Variants in KSR2 observed in about 807,000 individuals in gnomAD.
KSR2 encodes the protein kinase suppressor of ras 2.
Under a neutral mutation model 107.8 loss-of-function variants are expected in KSR2, and 25 were observed. That is an observed-to-expected ratio of 0.23 (90% CI 0.17 to 0.32). KSR2 has a LOEUF of 0.32. Ranked by LOEUF, KSR2 falls within the 10% of genes least tolerant of loss-of-function variation. The probability of loss-of-function intolerance (pLI) is 1.00; values close to 1 mark genes in which losing one functional copy is unlikely to be tolerated. For synonymous variants in KSR2, 480 were observed against 507.0 expected, an observed-to-expected ratio of 0.95 and a Z score of 0.71; for missense variants, 887 against 1,268.9, an observed-to-expected ratio of 0.70 and a Z score of 4.57.
intron 12 of KSR2, among the ~76,000 whole-genome samples, chr12:117,527,619 G>A (rs1345374768): frequency 1.3e-5 from 2 of 152,164 alleles, no homozygotes; most frequent in East Asian, 3.9e-4. Context: ...ATGCATTCAT[G>A]CGACTATTTA....
intron 1 of KSR2, among the ~76,000 whole-genome samples, chr12:117,868,894 G>A (rs1893562497): frequency 6.6e-6 from 1 of 151,942 alleles, no homozygotes; most frequent in Non-Finnish European, 1.5e-5. Flanking sequence ...GGGACCACAG[G>A]TGCGTGCCAC....
At chr12:117,512,965 T>C (rs902522302) in intron 14 of KSR2, among the ~76,000 whole-genome samples, 13 of 152,058 alleles carry the variant, frequency 8.5e-5, no homozygotes, top group Non-Finnish European at 1.8e-4. Context: ...TAAATACAGT[T>C]TCTCTTGGAG....
chr12:117,457,584 T>G lies in KSR2; in HGVS notation c.*9615A>C, dbSNP rs1019022184. ...GGTCAGAGAAGCTCAGGTGACACCA[T>G]GCCTGACATGCCACCATATGGGCTT... On this transcript the variant is annotated 3_prime_UTR_variant, in exon 20 of 20. Coordinates refer to ENST00000339824, the MANE Select transcript of KSR2 (RefSeq NM_173598.6). 6.6e-6 allele frequency: 1 copy of G among 152,212 alleles called. No individual in the cohort carries two copies. Among genetic ancestry groups the G allele is most frequent in the Non-Finnish European group, 1.5e-5 (1 of 68,052 alleles). The allele number at this position is 152,212 out of a possible 1,614,324, so 9.4% of individuals were successfully genotyped here.
At chr12:117,956,733 C>A (rs1481725180) in intron 1 of KSR2, among the ~76,000 whole-genome samples, 1 of 152,072 alleles carries the variant, frequency 6.6e-6, no homozygotes, top group Non-Finnish European at 1.5e-5. Context: ...TCAAGGCCAG[C>A]CTGGGCAACA....
intron 1 of KSR2, among the ~76,000 whole-genome samples, chr12:117,861,495 T>G (rs1378102328): frequency 1.3e-5 from 2 of 148,434 alleles, no homozygotes; most frequent in African/African-American, 5.0e-5. Flanking sequence ...TTCACGCCAT[T>G]CTCCTGCCTC....
intron 1 of KSR2, among the ~76,000 whole-genome samples, chr12:117,890,567 T>C (rs1894310287): frequency 1.3e-5 from 2 of 152,256 alleles, no homozygotes; most frequent in South Asian, 4.1e-4. Flanking sequence ...TTAAAGCCTT[T>C]TGCAGGTTCT....
intron 4 of KSR2, among the ~76,000 whole-genome samples, chr12:117,716,755 T>C (rs908652068): frequency 1.3e-5 from 2 of 152,202 alleles, no homozygotes; most frequent in African/African-American, 4.8e-5. Flanking sequence ...AGTTTCTTCA[T>C]GTGACAAATG....
At chr12:117,796,101 A>T (rs1890617311) in intron 3 of KSR2, among the ~76,000 whole-genome samples, 1 of 127,804 alleles carries the variant, frequency 7.8e-6, no homozygotes, top group Admixed American at 8.6e-5. Flanking sequence ...TAATTTTTTA[A>T]TTTTTTTGTA....
intron 3 of KSR2, among the ~76,000 whole-genome samples, chr12:117,853,535 T>A (rs759105828): frequency 7.9e-5 from 12 of 151,518 alleles, no homozygotes; most frequent in Non-Finnish European, 1.5e-4. Context: ...AGAGGTAGAG[T>A]CTCTTTATGT....
rs763052856 is a variant in KSR2, at chr12:117,855,566, CG to C, written c.333del (p.Gly112AlafsTer3). 1 of 1,613,904 alleles carries C rather than the reference CG, an allele frequency of 6.2e-7. No individual in the cohort carries two copies. Among genetic ancestry groups the C allele is most frequent in the Non-Finnish European group, 8.5e-7 (1 of 1,179,860 alleles). On this transcript the variant is annotated frameshift_variant, in exon 3 of 20. Transcript: ENST00000339824. LOFTEE classifies it high-confidence loss of function. ...VRKEVLEEIS[P>X]GQLSLEDLLE... ...AAGAGGTCCTCCAGGCTCAGCTGGC[CG>C]GGGGAGATTTCCTAGAGGAGGGGAG...
chr12:117,792,801 A>G lies in KSR2; in HGVS notation c.473-31277T>C, dbSNP rs531664287. 2.6e-5 allele frequency among the ~76,000 whole-genome samples: 4 copies of G among 152,316 alleles called. No homozygotes were observed. In the South Asian group the frequency reaches 6.2e-4, roughly 24 times the overall value. Reference sequence around the variant, plus strand: ...TTTTGATGTGGGGTGCGTCATCCCTAAAAATAACTGAGAACTGTGGAAGTG... The same window carrying G: ...TTTTGATGTGGGGTGCGTCATCCCTGAAAATAACTGAGAACTGTGGAAGTG... On this transcript the variant is annotated intron_variant, in intron 3 of 19. Coordinates refer to ENST00000339824, the MANE Select transcript of KSR2 (RefSeq NM_173598.6).
intron 14 of KSR2, among the ~76,000 whole-genome samples, chr12:117,515,452 A>G (rs1348210254): frequency 3.3e-5 from 5 of 152,158 alleles, no homozygotes; most frequent in African/African-American, 1.2e-4. Flanking sequence ...TTCAACAAGT[A>G]TGTATGGAGG....
At chr12:117,745,177 G>A (rs1010487990) in intron 4 of KSR2, among the ~76,000 whole-genome samples, 19 of 152,114 alleles carry the variant, frequency 1.2e-4, no homozygotes, top group Middle Eastern at 3.2e-3. Flanking sequence ...CACAGACTTT[G>A]GGTAAAATGG....
At chr12:117,690,393 G>A (rs957856370) in intron 4 of KSR2, among the ~76,000 whole-genome samples, 4 of 152,026 alleles carry the variant, frequency 2.6e-5, no homozygotes, top group East Asian at 1.9e-4. Context: ...GCGAAACCCC[G>A]TCTCTATTAA....
At chr12:117,505,369 G>A (rs187689541) in intron 14 of KSR2, among the ~76,000 whole-genome samples, 29 of 152,216 alleles carry the variant, frequency 1.9e-4, no homozygotes, top group East Asian at 9.7e-4. Flanking sequence ...GGTGGATGTC[G>A]CCCTCCCTCC....
intron 1 of KSR2, among the ~76,000 whole-genome samples, chr12:117,867,347 A>T (rs1163711093): frequency 6.6e-6 from 1 of 151,952 alleles, no homozygotes; most frequent in Non-Finnish European, 1.5e-5. Context: ...CCCTAAACAC[A>T]TGCAGGACCC....
At chr12:117,747,514 T>C (rs1438635791) in intron 4 of KSR2, among the ~76,000 whole-genome samples, 3 of 152,056 alleles carry the variant, frequency 2.0e-5, no homozygotes, top group African/African-American at 4.8e-5. Context: ...GCCAGGTTGA[T>C]AGGTGCAGCA....
chr12:117,737,078 G>T (rs747235944), intron 4 of KSR2, among the ~76,000 whole-genome samples: 21 of 152,244 alleles, frequency 1.4e-4, no homozygotes, highest in Middle Eastern at 3.4e-3. Flanking sequence ...CACCTGTGTG[G>T]CCTCATGAGT....
chr12:117,781,837 T>G (rs1478807809), intron 3 of KSR2, among the ~76,000 whole-genome samples: 2 of 152,150 alleles, frequency 1.3e-5, no homozygotes, highest in African/African-American at 4.8e-5. Context: ...CCAAAGGATA[T>G]CTCTAAAAGG....
Sources: allele counts gnomAD v4.1 joint callset (sites outside exome capture counted in the v4.1 genomes callset), GRCh38; gene constraint gnomAD v4.1.1; transcripts MANE v1.5; gene names NCBI Gene and HGNC (gene_info 2026-07-23, HGNC 2026-07-21).